PER2: variants seen among roughly 807,000 people sequenced by gnomAD.
The protein encoded by PER2 is period circadian regulator 2, also known as period circadian protein homolog 2.
In PER2, 66 loss-of-function variants were observed where a neutral mutation model predicts 121.0. The ratio of observed to expected loss-of-function variants is 0.55; its 90% CI spans 0.45 to 0.67. PER2 has a LOEUF of 0.67. Ranked by LOEUF, PER2 falls within the 30% of genes least tolerant of loss-of-function variation. PER2 has a pLI of 0.00. For synonymous variants in PER2, 684 were observed against 659.9 expected (o/e 1.04, Z -0.56); for missense variants, 1,521 against 1,635.0 (o/e 0.93, Z 1.20).
intron 16 of PER2, among the ~76,000 whole-genome samples, chr2:238,257,565 C>T (rs1262719265): frequency 6.6e-6 from 1 of 152,222 alleles, no homozygotes; most frequent in African/African-American, 2.4e-5. Flanking sequence ...CCTCCGCCTG[C>T]CAGGTACAAG....
intron 1 of PER2, among the ~76,000 whole-genome samples, chr2:238,282,947 C>A (rs1696673126): frequency 6.6e-6 from 1 of 152,192 alleles, no homozygotes; most frequent in Non-Finnish European, 1.5e-5. Flanking sequence ...AGGCTTGCAG[C>A]CACGTGCTTC....
At chr2:238,273,284 T>A (rs1347534992) in intron 4 of PER2, 93 bp from the exon 5 acceptor site, 1 of 1,343,226 alleles carries the variant, frequency 7.4e-7, no homozygotes, top group Non-Finnish European at 1.0e-6. Context: ...TCTACTTTTC[T>A]CAAATGAAAA....
Position 238,253,569 on chromosome 2 carries a change from G to A in PER2, c.2454C>T (p.Ser818=), listed in dbSNP as rs143393628. ...TCAAGCCCACCAGCGGGGGCCGGGC[G>A]GACACGGGCCCCCCAGATCCGGTGC... ...SESTGSGGPV[S]ARPPLVGLNA... The change falls in exon 19 of 23, where the codon TCC becomes TCT. Residue 818 remains serine (S), a synonymous_variant. Transcript: ENST00000254657. The surrounding 1 kb of genome is among the most constrained non-coding windows in gnomAD (Gnocchi z 5.6). 64 of 1,609,880 alleles carry A rather than the reference G, an allele frequency of 4.0e-5. No individual in the cohort carries two copies. Among genetic ancestry groups the A allele is most frequent in the African/African-American group, 1.7e-4 (13 of 74,908 alleles).
chr2:238,284,376 A>AG (rs1208314829), intron 1 of PER2, among the ~76,000 whole-genome samples: 2 of 149,628 alleles, frequency 1.3e-5, no homozygotes, highest in Admixed American at 6.7e-5. Context: ...CAGGAGGTGG[A>AG]GGCTGCAGTA....
rs979163957 is a variant in PER2 at position 238,246,365 on chromosome 2, G to T, written c.*10C>A. 4.4e-6 allele frequency: 7 copies of T among 1,589,634 alleles called. No individual in the cohort carries two copies. The highest frequency in any genetic ancestry group is 6.0e-6 in the Non-Finnish European group (7 of 1,165,292). ...ACCTCGCTGGCTGCCGGGCTGAGGT[G>T]GGGCAGGGGTTACGTCTGCTCTTCG... On this transcript the variant is annotated 3_prime_UTR_variant, in exon 23 of 23. Coordinates refer to ENST00000254657, the MANE Select transcript of PER2 (RefSeq NM_022817.3).
chr2:238,280,560 T>C (rs1156229324), intron 1 of PER2, among the ~76,000 whole-genome samples: 5 of 152,098 alleles, frequency 3.3e-5, no homozygotes, highest in Admixed American at 3.3e-4. Flanking sequence ...CTGACTGAGA[T>C]GAAAATGCCA....
At chr2:238,248,444 T>G (rs938958027) in intron 22 of PER2, among the ~76,000 whole-genome samples, 1 of 152,022 alleles carries the variant, frequency 6.6e-6, no homozygotes, top group Non-Finnish European at 1.5e-5. Context: ...TATTTAATGT[T>G]CTCCAGGGAC....
At chr2:238,298,760 G>C in the PER2 span, 1 of 152,248 alleles carries the variant, frequency 6.6e-6, no homozygotes, top group Non-Finnish European at 1.5e-5. Flanking sequence ...AGAGAGCAAG[G>C]CATTGGGTGG....
At chr2:238,276,285 A>G (rs1213159029) in intron 3 of PER2, among the ~76,000 whole-genome samples, 1 of 152,248 alleles carries the variant, frequency 6.6e-6, no homozygotes, top group Non-Finnish European at 1.5e-5. Context: ...CAAGTATGAC[A>G]ATCAGAGCTG....
rs1480851386 is a variant in PER2 at position 238,253,313 on chromosome 2, T to A, written c.2710A>T (p.Met904Leu). The change falls in exon 19 of 23, where the codon ATG becomes TTG. Residue 904 changes from methionine to leucine, a missense_variant. Met to Leu is a conservative substitution (Grantham distance 15, BLOSUM62 2). Coordinates refer to ENST00000254657, the MANE Select transcript of PER2 (RefSeq NM_022817.3). This position sits in a 1 kb window ranked among gnomAD's most constrained non-coding sequence, Gnocchi z 5.6. ...PPFPAPLAPV[M>L]AFMLPSYSFP... Reference sequence around the variant, plus strand: ...GAATAACTGGGTAGCATGAATGCCATGACAGGCGCCAAAGGGGCAGGGAAA... The same window carrying A: ...GAATAACTGGGTAGCATGAATGCCAAGACAGGCGCCAAAGGGGCAGGGAAA... 1 of 1,613,438 alleles carries A rather than the reference T, an allele frequency of 6.2e-7. No individual in the cohort carries two copies. The highest frequency in any genetic ancestry group is 1.1e-5 in the South Asian group (1 of 90,992).
At chr2:238,256,334 C>G (rs1209070439) in intron 17 of PER2, among the ~76,000 whole-genome samples, 1 of 152,210 alleles carries the variant, frequency 6.6e-6, no homozygotes, top group Non-Finnish European at 1.5e-5. Flanking sequence ...ACAGGCAGGG[C>G]CACTGACCAT....
intron 1 of PER2, among the ~76,000 whole-genome samples, chr2:238,282,677 C>T (rs1009511708): frequency 6.6e-6 from 1 of 152,244 alleles, no homozygotes; most frequent in East Asian, 1.9e-4. Context: ...CCCTTATTCG[C>T]TTAGCACTGA....
intron 10 of PER2, among the ~76,000 whole-genome samples, chr2:238,262,677 C>T (rs150146498): frequency 1.2e-4 from 18 of 152,262 alleles, no homozygotes; most frequent in Admixed American, 2.6e-4. Flanking sequence ...TCCTCCCATG[C>T]GCCACTGAAG....
At chr2:238,285,128 T>G (rs1005772678) in intron 1 of PER2, among the ~76,000 whole-genome samples, 1 of 152,252 alleles carries the variant, frequency 6.6e-6, no homozygotes, top group African/African-American at 2.4e-5. Flanking sequence ...CCTCTGGGCG[T>G]GAACCTGCCC....
chr2:238,257,267 G>A (rs546438134), intron 16 of PER2, among the ~76,000 whole-genome samples, 181 bp from the exon 17 acceptor site: 1 of 152,300 alleles, frequency 6.6e-6, no homozygotes, highest in Admixed American at 6.5e-5. Context: ...TTTATTCATA[G>A]AAGAATAGTG....
chr2:238,250,733 G>A lies in PER2; in HGVS notation c.3285C>T (p.Asp1095=). The change falls in exon 21 of 23, where the codon GAC becomes GAT. Residue 1095 remains aspartate, a synonymous_variant. Coordinates refer to ENST00000254657, the MANE Select transcript of PER2 (RefSeq NM_022817.3). The part of the protein sequence containing the change: ...DASPSGAGSS[D]TSHTSKYFGS... ...CAAAATATTTGCTGGTATGACTTGT[G>A]TCACTACTGCCTTTAAAAACAAAAA... 4 of 1,612,730 alleles carry A rather than the reference G, an allele frequency of 2.5e-6. No individual in the cohort carries two copies. The highest frequency in any genetic ancestry group is 3.4e-6 in the Non-Finnish European group (4 of 1,178,752).
upstream of PER2, chr2:238,289,738 G>A (rs1696913383): frequency 6.6e-6 from 1 of 152,262 alleles, no homozygotes; most frequent in African/African-American, 2.4e-5. Flanking sequence ...AGAGACGCAG[G>A]AGCCAGGGGT....
At chr2:238,275,292 T>TC (rs1165713446) in intron 4 of PER2, among the ~76,000 whole-genome samples, 1 of 152,182 alleles carries the variant, frequency 6.6e-6, no homozygotes, top group Non-Finnish European at 1.5e-5. Flanking sequence ...CACCTTCCTT[T>TC]CCCACCCTGG....
intron 8 of PER2, among the ~76,000 whole-genome samples, chr2:238,267,211 C>T (rs1405512955): frequency 6.6e-6 from 1 of 152,226 alleles, no homozygotes; most frequent in Non-Finnish European, 1.5e-5. Context: ...AGGTGAGCAC[C>T]TACAGTTCCT....
Sources: gnomAD v4.1 joint callset for allele counts (sites outside exome capture counted in the v4.1 genomes callset) on GRCh38, gnomAD v4.1.1 for gene constraint, Gnocchi (gnomAD v3.1) non-coding constraint, MANE v1.5 for transcripts, NCBI Gene and HGNC (gene_info 2026-07-23, HGNC 2026-07-21) for gene names.